The following PDSS1 variants were observed in gnomAD, a reference collection of about 807,000 sequenced individuals.
PDSS1 encodes the protein decaprenyl diphosphate synthase subunit 1, also known as all trans-polyprenyl-diphosphate synthase PDSS1.
Under a neutral mutation model 57.5 loss-of-function variants are expected in PDSS1, and 43 were observed. The observed-to-expected ratio is 0.75, with a 90% CI of 0.59 to 0.96. The LOEUF (loss-of-function observed/expected upper bound fraction) is 0.96. Among genes scored for constraint, PDSS1 ranks in the 50% least tolerant of loss-of-function variants. The probability of loss-of-function intolerance (pLI) is 0.00; values close to 1 mark genes in which losing one functional copy is unlikely to be tolerated. For synonymous variants in PDSS1, 175 were observed against 191.3 expected (o/e 0.91, Z 0.70); for missense variants, 438 against 527.8 (o/e 0.83, Z 1.67).
At chr10:26,739,124 TCACCAGCCCCTG>T (rs1836500450) in intron 10 of PDSS1, among the ~76,000 whole-genome samples, 1 of 152,184 alleles carries the variant, frequency 6.6e-6, no homozygotes, top group South Asian at 2.1e-4. Flanking sequence ...CCAAATGCCA[TCACCAGCCCCTG>T]CACCAGCTGC....
At chr10:26,719,796 G>A (rs190177833) in intron 5 of PDSS1, among the ~76,000 whole-genome samples, 34 of 152,256 alleles carry the variant, frequency 2.2e-4, no homozygotes, top group Admixed American at 5.2e-4. Flanking sequence ...TAAAAGCCTT[G>A]AACATTGAGA....
At chr10:26,732,603 G>A (rs1381573420) in intron 8 of PDSS1, among the ~76,000 whole-genome samples, 2 of 152,200 alleles carry the variant, frequency 1.3e-5, no homozygotes, top group East Asian at 3.9e-4. Context: ...GCCATGTAAT[G>A]CCTGGTACCG....
chr10:26,708,086 A>G (rs1835301769), intron 4 of PDSS1, among the ~76,000 whole-genome samples: 1 of 152,234 alleles, frequency 6.6e-6, no homozygotes, highest in Non-Finnish European at 1.5e-5. Context: ...TGTTGTGTCA[A>G]CGGCAGTGAT....
At chr10:26,732,632 G>A (rs1263722905) in intron 8 of PDSS1, among the ~76,000 whole-genome samples, 6 of 152,126 alleles carry the variant, frequency 3.9e-5, no homozygotes, top group Non-Finnish European at 5.9e-5. Context: ...TCAGTTTCTC[G>A]AACTTCATAA....
intron 1 of PDSS1, 111 bp from the exon 2 acceptor site, chr10:26,702,051 G>T: frequency 2.3e-6 from 1 of 432,678 alleles, no homozygotes. Flanking sequence ...CATGAGGCCT[G>T]TAAGCCCCTT....
chr10:26,708,299 T>C (rs952683045), intron 4 of PDSS1, among the ~76,000 whole-genome samples: 5 of 152,178 alleles, frequency 3.3e-5, no homozygotes, highest in African/African-American at 1.2e-4. Context: ...AAACTCTGAC[T>C]TAGTCTTGGA....
chr10:26,725,044 A>G (rs1477580165), intron 8 of PDSS1, among the ~76,000 whole-genome samples: 5 of 151,866 alleles, frequency 3.3e-5, no homozygotes, highest in Admixed American at 2.0e-4. Flanking sequence ...AATGAGTAAT[A>G]CCTTTAATCC....
chr10:26,736,676 G>A (rs1836415875), intron 10 of PDSS1, among the ~76,000 whole-genome samples: 1 of 152,140 alleles, frequency 6.6e-6, no homozygotes, highest in Non-Finnish European at 1.5e-5. Flanking sequence ...AGGCTACTTT[G>A]GCAGCTTGCT....
chr10:26,713,185 C>T (rs1428232630), intron 5 of PDSS1, among the ~76,000 whole-genome samples: 1 of 44,036 alleles, frequency 2.3e-5, no homozygotes, highest in South Asian at 4.4e-4. Flanking sequence ...CCAGCTATTC[C>T]GGAGGCTGGG....
Position 26,712,910 on chromosome 10 carries a change from A to G in PDSS1, c.467+3142A>G, listed in dbSNP as rs1462079096. The stretch of plus-strand genomic sequence containing the variant: ...GGGATACTGTTTTAAACCTTTGACA[A>G]TCAAAGTTTAATGGCTCTTAGGAGG... On this transcript the variant is annotated intron_variant, in intron 5 of 11. Coordinates refer to ENST00000376215, the MANE Select transcript of PDSS1 (RefSeq NM_014317.5). Among the ~76,000 whole-genome samples, 13 of 97,128 alleles carry G rather than the reference A, an allele frequency of 1.3e-4. 3 individuals carry two copies. The highest frequency in any genetic ancestry group is 1.1e-3 in the Admixed American group (9 of 8,048). 63.7% of individuals were successfully genotyped at this position (97,128 alleles called of 152,430 possible).
intron 1 of PDSS1, 80 bp downstream of exon 1, chr10:26,697,920 G>C: frequency 8.4e-7 from 1 of 1,185,268 alleles, no homozygotes; most frequent in Non-Finnish European, 1.1e-6. Flanking sequence ...GAATGGGAGC[G>C]GGGAGCACGT....
chr10:26,701,595 A>G (rs1835053215), intron 1 of PDSS1, among the ~76,000 whole-genome samples: 2 of 152,252 alleles, frequency 1.3e-5, no homozygotes, highest in Non-Finnish European at 2.9e-5. Flanking sequence ...TGCACAGAAG[A>G]CAACAATTTG....
chr10:26,712,659 C>T (rs1460880864), intron 5 of PDSS1, among the ~76,000 whole-genome samples: 3 of 99,082 alleles, frequency 3.0e-5, no homozygotes, highest in African/African-American at 9.8e-5. Context: ...GTATTATTTC[C>T]ATGCCACTTA....
intron 6 of PDSS1, among the ~76,000 whole-genome samples, chr10:26,720,909 G>A (rs1835758659): frequency 6.6e-6 from 1 of 152,176 alleles, no homozygotes; most frequent in Admixed American, 6.5e-5. Flanking sequence ...TTGGTTTGAG[G>A]ATGCATAGAT....
At chr10:26,701,745 C>T (rs7097696) in intron 1 of PDSS1, 14,098 of 449,722 alleles carry the variant, frequency 0.031, 768 homozygotes, top group South Asian at 0.13. Context: ...AGCCCCCACA[C>T]GGAGTCCCTG....
rs1262483772 is a variant in PDSS1 at position 26,711,942 on chromosome 10, A to T, written c.467+2174A>T. 2.2e-5 allele frequency among the ~76,000 whole-genome samples: 2 copies of T among 92,550 alleles called. 1 individual carries two copies. Among genetic ancestry groups the T allele is most frequent in the African/African-American group, 7.0e-5 (2 of 28,402 alleles). 60.7% of individuals were successfully genotyped at this position (92,550 alleles called of 152,430 possible). A position where few individuals can be genotyped will look rare whatever the true frequency, so the allele number is the denominator to read the frequency against. On this transcript the variant is annotated intron_variant, in intron 5 of 11. Coordinates refer to ENST00000376215, the MANE Select transcript of PDSS1 (RefSeq NM_014317.5). Reference sequence around the variant, plus strand: ...ACATGGGAAGGAAATTTTTTTTTTTACTGCTTTAAGTACTATCACCCACTG... The same window carrying T: ...ACATGGGAAGGAAATTTTTTTTTTTTCTGCTTTAAGTACTATCACCCACTG...
chr10:26,706,399 C>T (rs868682321), intron 4 of PDSS1, among the ~76,000 whole-genome samples: 11 of 152,202 alleles, frequency 7.2e-5, no homozygotes, highest in East Asian at 3.9e-4. Context: ...CCTGCTCTGT[C>T]GCAATTGGCC....
rs952448019 is a variant in PDSS1 at position 26,703,289 on chromosome 10, G to T, written c.162+1095G>T. Among the ~76,000 whole-genome samples the T allele has an allele frequency of 5.3e-5, 8 of 151,992 alleles. No homozygotes were observed. The South Asian group carries it at 1.5e-3, about 28-fold the overall frequency. ...TTTAATCCTTCAACCCAGATTAGGG[G>T]TCTATAACTGAATAACTAAAAAGTT... On this transcript the variant is annotated intron_variant, in intron 2 of 11. Transcript: ENST00000376215.
chr10:26,723,993 G>T (rs1588690996), intron 7 of PDSS1, 21 bp from the exon 8 acceptor site: 1 of 1,602,534 alleles, frequency 6.2e-7, no homozygotes, highest in East Asian at 2.2e-5. Context: ...CCTCTCAAAT[G>T]ACTCCTTTCC....
Sources: allele counts gnomAD v4.1 joint callset (sites outside exome capture counted in the v4.1 genomes callset), GRCh38; gene constraint gnomAD v4.1.1; transcripts MANE v1.5; gene names NCBI Gene and HGNC (gene_info 2026-07-23, HGNC 2026-07-21).